The following PCSK1 variants were observed in gnomAD, a reference collection of about 807,000 sequenced individuals.
PCSK1 encodes proprotein convertase subtilisin/kexin type 1.
In PCSK1, 56 loss-of-function variants were observed where a neutral mutation model predicts 90.6. That is an observed-to-expected ratio of 0.62 (90% CI 0.50 to 0.77). The LOEUF is 0.77. Ranked by LOEUF, PCSK1 falls within the 30% of genes least tolerant of loss-of-function variation. PCSK1 has a pLI of 0.00. For missense variants in PCSK1, 801 were observed against 932.6 expected (o/e 0.86, Z 1.84); for synonymous variants, 348 against 342.4 (o/e 1.02, Z -0.18).
intron 6 of PCSK1, among the ~76,000 whole-genome samples, chr5:96,412,699 G>T (rs917011330): frequency 6.9e-6 from 1 of 145,554 alleles, no homozygotes; most frequent in South Asian, 2.1e-4. Context: ...CTTTTTTGTC[G>T]CACTTTAGAG....
In PCSK1 at chr5:96,412,336, A is replaced by C; in HGVS notation, c.864T>G (p.Phe288Leu). 1 of 1,614,162 alleles carries C rather than the reference A, an allele frequency of 6.2e-7. No homozygotes were observed. Residue 288 changes from phenylalanine (F) to leucine (L), a missense_variant, in exon 7 of 14, where the codon TTT becomes TTG. Phe to Leu is a conservative substitution (Grantham distance 22, BLOSUM62 0). Transcript: ENST00000311106. ...ATCTTACCTGTTTGACACCATATTC[A>C]AAAGCCTTCTGGGCTAGCCGGCCAG... ...EGPGRLAQKA[F>L]EYGVKQGRQG...
At chr5:96,431,118 G>A (rs531842419) in intron 1 of PCSK1, among the ~76,000 whole-genome samples, 1 of 152,178 alleles carries the variant, frequency 6.6e-6, no homozygotes, top group African/African-American at 2.4e-5. Flanking sequence ...ACCCCCATAG[G>A]TCATACATGA....
At chr5:96,426,002 C>T (rs1254509336) in intron 2 of PCSK1, 72 bp from the exon 3 acceptor site, 8 of 829,698 alleles carry the variant, frequency 9.6e-6, no homozygotes, top group African/African-American at 3.3e-5. Flanking sequence ...TAACTATCTC[C>T]AGTACCCTTC....
rs1759920071 is a variant in PCSK1 at position 96,391,036 on chromosome 5, GC to G, written c.*1964del. 6.6e-6 allele frequency: 1 copy of G among 152,424 alleles called. No homozygotes were observed. Among genetic ancestry groups the G allele is most frequent in the Non-Finnish European group, 1.5e-5 (1 of 68,022 alleles). The allele number at this position is 152,424 out of a possible 1,614,324, so 9.4% of individuals were successfully genotyped here. A position where few individuals can be genotyped will look rare whatever the true frequency, so the allele number is the denominator to read the frequency against. On this transcript the variant is annotated 3_prime_UTR_variant, in exon 14 of 14. Coordinates refer to ENST00000311106, the MANE Select transcript of PCSK1 (RefSeq NM_000439.5). ...TCTAACTCTTTATTGGCCTTTCCGGGCCAATCTAAGAATTCTCTGGTCCTTT... is the reference window on the plus strand; with the variant it reads ...TCTAACTCTTTATTGGCCTTTCCGGGCAATCTAAGAATTCTCTGGTCCTTT...
In PCSK1 at chr5:96,390,594, T is replaced by C. The variant is rs537724412; in HGVS notation, c.*2407A>G. 1.4e-4 allele frequency: 22 copies of C among 152,780 alleles called. No individual in the cohort carries two copies. The highest frequency in any genetic ancestry group is 5.0e-4 in the African/African-American group (21 of 41,600). 9.5% of individuals were successfully genotyped at this position (152,780 alleles called of 1,614,324 possible). On this transcript the variant is annotated 3_prime_UTR_variant, in exon 14 of 14. Coordinates refer to ENST00000311106, the MANE Select transcript of PCSK1 (RefSeq NM_000439.5). ...GAACATGCCTTTCAAAAATATTTTA[T>C]TGGGTGAAACTTTCTTATTCTCAGG...
chr5:96,412,990 T>G, intron 6 of PCSK1: 1 of 997,312 alleles, frequency 1.0e-6, no homozygotes, highest in Middle Eastern at 5.1e-4. Context: ...CACAAATGGC[T>G]GTGGCCCAGT....
intron 5 of PCSK1, among the ~76,000 whole-genome samples, chr5:96,418,704 G>C (rs531748665): frequency 1.3e-5 from 2 of 152,200 alleles, no homozygotes; most frequent in African/African-American, 4.8e-5. Flanking sequence ...AAACCTAAGG[G>C]CTTTATGTCT....
chr5:96,427,243 A>G (rs1195082125), intron 2 of PCSK1, among the ~76,000 whole-genome samples: 1 of 152,182 alleles, frequency 6.6e-6, no homozygotes, highest in African/African-American at 2.4e-5. Context: ...AAGAGGAGGC[A>G]CTCTGCCGTC....
intron 10 of PCSK1, 102 bp from the exon 11 acceptor site, chr5:96,399,138 C>G: frequency 1.2e-6 from 1 of 801,706 alleles, no homozygotes; most frequent in Non-Finnish European, 2.1e-6. Flanking sequence ...CTCAACTAAG[C>G]TTTTTGTCAC....
At chr5:96,396,718 A>G (rs1207101963) in intron 12 of PCSK1, among the ~76,000 whole-genome samples, 1 of 152,228 alleles carries the variant, frequency 6.6e-6, no homozygotes, top group African/African-American at 2.4e-5. Context: ...TAATTAAGCT[A>G]TATTTGGCTT....
At chr5:96,412,898 C>T in intron 6 of PCSK1, 2 of 618,114 alleles carry the variant, frequency 3.2e-6, no homozygotes, top group South Asian at 4.6e-5. Context: ...TGCCCTCCCT[C>T]CCACCCCAAC....
chr5:96,395,345 T>C (rs901463411), intron 12 of PCSK1, among the ~76,000 whole-genome samples: 6 of 152,194 alleles, frequency 3.9e-5, no homozygotes, highest in Non-Finnish European at 8.8e-5. Context: ...TATCAACTTA[T>C]AGAAACATTC....
intron 4 of PCSK1, among the ~76,000 whole-genome samples, chr5:96,422,947 A>G (rs962918337): frequency 1.4e-5 from 2 of 145,070 alleles, no homozygotes; most frequent in Non-Finnish European, 2.9e-5. Flanking sequence ...CTCATAAAAG[A>G]GGTGAGGAGG....
chr5:96,410,127 C>T (rs1760705710), intron 8 of PCSK1, among the ~76,000 whole-genome samples: 1 of 152,078 alleles, frequency 6.6e-6, no homozygotes, highest in Non-Finnish European at 1.5e-5. Context: ...CCCCTAAATG[C>T]CCCTCCATCG....
intron 5 of PCSK1, among the ~76,000 whole-genome samples, chr5:96,416,378 C>A (rs1745781472): frequency 6.6e-6 from 1 of 152,162 alleles, no homozygotes. Context: ...TACTTGTCTG[C>A]AAAGGCTTGG....
rs57397343 is a variant in PCSK1, at chr5:96,412,752, G to GTTTTTTTTTTTTTTTTTTT, written c.710-281_710-263dup. On this transcript the variant is annotated intron_variant, in intron 6 of 13. Coordinates refer to ENST00000311106, the MANE Select transcript of PCSK1 (RefSeq NM_000439.5). ...CATGCACTGTGTAGGCAGCTGTGAT[G>GTTTTTTTTTTTTTTTTTTT]TTTTTTTTTTTTTTTTTTTTTTTGG... Among the ~76,000 whole-genome samples the GTTTTTTTTTTTTTTTTTTT allele has an allele frequency of 8.6e-4, 62 of 71,802 alleles. 15 individuals carry two copies. Among genetic ancestry groups the GTTTTTTTTTTTTTTTTTTT allele is most frequent in the African/African-American group, 5.1e-3 (57 of 11,120 alleles). 47.1% of individuals were successfully genotyped at this position (71,802 alleles called of 152,430 possible).
chr5:96,413,835 A>G (rs1452778290), intron 6 of PCSK1, among the ~76,000 whole-genome samples: 1 of 137,574 alleles, frequency 7.3e-6, no homozygotes, highest in African/African-American at 2.8e-5. Flanking sequence ...TAGAAAAAAA[A>G]TCGGCCAGGT....
chr5:96,399,625 T>TA (rs1390334825), intron 10 of PCSK1, among the ~76,000 whole-genome samples: 4 of 152,158 alleles, frequency 2.6e-5, no homozygotes, highest in African/African-American at 7.2e-5. Context: ...AGATGCATTT[T>TA]AAAAAAATAG....
chr5:96,427,764 G>T (rs909614016), intron 2 of PCSK1, among the ~76,000 whole-genome samples: 2 of 152,150 alleles, frequency 1.3e-5, no homozygotes, highest in Non-Finnish European at 2.9e-5. Flanking sequence ...GCATTAATGG[G>T]CATGCAGTTT....
Sources: allele counts gnomAD v4.1 joint callset (sites outside exome capture counted in the v4.1 genomes callset), GRCh38; gene constraint gnomAD v4.1.1; transcripts MANE v1.5; gene names NCBI Gene and HGNC (gene_info 2026-07-23, HGNC 2026-07-21).